The following NRF1 variants were observed in gnomAD, a reference collection of about 807,000 sequenced individuals.
NRF1 encodes nuclear respiratory factor 1.
A neutral mutation model predicts 58.5 loss-of-function variants in NRF1; 5 were observed. The ratio of observed to expected loss-of-function variants is 0.09; its 90% CI spans 0.04 to 0.18. NRF1 has a LOEUF of 0.18. Ranked by LOEUF, NRF1 falls within the 10% of genes least tolerant of loss-of-function variation. The pLI, the probability that NRF1 is intolerant of heterozygous loss-of-function variation, is 1.00. For missense variants in NRF1, 288 were observed against 657.7 expected (o/e 0.44, Z 6.15); for synonymous variants, 224 against 246.7 (o/e 0.91, Z 0.86).
At chr7:129,628,192 C>T (rs1252700594) in intron 1 of NRF1, among the ~76,000 whole-genome samples, 3 of 151,414 alleles carry the variant, frequency 2.0e-5, no homozygotes, top group South Asian at 2.1e-4. Context: ...TACAGGTGCC[C>T]GCCACCACGC....
intron 7 of NRF1, among the ~76,000 whole-genome samples, chr7:129,710,945 ATT>A (rs760879471): frequency 3.5e-5 from 5 of 141,512 alleles, no homozygotes; most frequent in Non-Finnish European, 4.7e-5. Context: ...GCCTGGCTGA[ATT>A]TTTTTTTTTT....
chr7:129,619,466 G>A lies in NRF1; in HGVS notation c.-7+7642G>A, dbSNP rs1263075525. Among the ~76,000 whole-genome samples the A allele has an allele frequency of 7.6e-3, 132 of 17,366 alleles. 2 individuals carry two copies. Among genetic ancestry groups the A allele is most frequent in the East Asian group, 0.018 (5 of 282 alleles). The allele number at this position is 17,366 out of a possible 152,430, so 11.4% of individuals were successfully genotyped here. On this transcript the variant is annotated intron_variant, in intron 1 of 10. Coordinates refer to ENST00000393232, the MANE Select transcript of NRF1 (RefSeq NM_005011.5). ...CACACACATATATATACACGTGTGT[G>A]TGTGTGTGTGTGTGTGTGTGTGTGT...
rs1554410293 is a variant in NRF1 at position 129,696,071 on chromosome 7, A to AAC, written c.606+5526_606+5527insCA. Among the ~76,000 whole-genome samples the AAC allele has an allele frequency of 1.4e-5, 2 of 139,452 alleles. 1 individual carries two copies. Among genetic ancestry groups the AAC allele is most frequent in the Admixed American group, 1.4e-4 (2 of 13,796 alleles). 91.5% of individuals were successfully genotyped at this position (139,452 alleles called of 152,430 possible). ...AACCCCGTCTCTACTAAAAAAAAAAAAAAAAAAAAAAAAAACAACCAAATT... is the reference window on the plus strand; with the variant it reads ...AACCCCGTCTCTACTAAAAAAAAAAAACAAAAAAAAAAAAAAACAACCAAATT... On this transcript the variant is annotated intron_variant, in intron 5 of 10. Coordinates refer to ENST00000393232, the MANE Select transcript of NRF1 (RefSeq NM_005011.5).
chr7:129,714,640 A>C (rs767505609), intron 8 of NRF1, among the ~76,000 whole-genome samples: 12 of 152,170 alleles, frequency 7.9e-5, no homozygotes, highest in Non-Finnish European at 1.5e-4. Flanking sequence ...GCTCTAGGAT[A>C]TCTCTGCCTC....
chr7:129,670,626 A>G (rs1802025536), intron 2 of NRF1, among the ~76,000 whole-genome samples: 1 of 152,240 alleles, frequency 6.6e-6, no homozygotes, highest in Non-Finnish European at 1.5e-5. Context: ...ATAAGGATAA[A>G]GGTAAAATGT....
chr7:129,750,979 T>C (rs1804101496), intron 10 of NRF1, among the ~76,000 whole-genome samples: 1 of 152,208 alleles, frequency 6.6e-6, no homozygotes, highest in African/African-American at 2.4e-5. Context: ...CACTCAAAGA[T>C]GGAGACTTAA....
intron 1 of NRF1, among the ~76,000 whole-genome samples, chr7:129,612,352 C>A (rs1166943233): frequency 6.6e-6 from 1 of 152,018 alleles, no homozygotes; most frequent in Non-Finnish European, 1.5e-5. Context: ...GAGCCGCTGT[C>A]TCCTGCGGGA....
At chr7:129,698,494 A>G (rs894978181) in intron 5 of NRF1, among the ~76,000 whole-genome samples, 1 of 152,184 alleles carries the variant, frequency 6.6e-6, no homozygotes. Flanking sequence ...GGAGGTTGAG[A>G]TAAAGCTTAG....
chr7:129,752,883 G>A (rs1409300687), intron 10 of NRF1, among the ~76,000 whole-genome samples: 1 of 152,160 alleles, frequency 6.6e-6, no homozygotes, highest in Non-Finnish European at 1.5e-5. Context: ...CGTGCACTTG[G>A]AGGCTGGCCT....
intron 1 of NRF1, among the ~76,000 whole-genome samples, chr7:129,649,404 A>G (rs750921169): frequency 6.6e-6 from 1 of 152,078 alleles, no homozygotes; most frequent in Non-Finnish European, 1.5e-5. Context: ...TGATAATGCT[A>G]TTGATTAGAC....
chr7:129,666,974 A>G (rs78841374), intron 2 of NRF1, among the ~76,000 whole-genome samples: 3,732 of 152,330 alleles, frequency 0.024, 54 homozygotes, highest in Middle Eastern at 0.075. Flanking sequence ...ATGAAATAAT[A>G]CTTAACCCCT....
At chr7:129,723,170 G>A (rs1199308046) in intron 9 of NRF1, among the ~76,000 whole-genome samples, 1 of 151,978 alleles carries the variant, frequency 6.6e-6, no homozygotes, top group Non-Finnish European at 1.5e-5. Flanking sequence ...CAGGCCGGGT[G>A]CGGTGGCTCA....
intron 2 of NRF1, among the ~76,000 whole-genome samples, chr7:129,666,639 C>T (rs762931576): frequency 1.3e-5 from 2 of 152,140 alleles, no homozygotes; most frequent in Non-Finnish European, 2.9e-5. Context: ...TCAAGCAATT[C>T]TCCTGCCTCA....
intron 10 of NRF1, among the ~76,000 whole-genome samples, chr7:129,751,265 G>A (rs1196158048): frequency 1.3e-5 from 2 of 152,232 alleles, no homozygotes. Flanking sequence ...GAACAACAGT[G>A]GCCGACGTGA....
chr7:129,650,597 C>T (rs1801511710), intron 1 of NRF1, among the ~76,000 whole-genome samples: 2 of 152,052 alleles, frequency 1.3e-5, no homozygotes, highest in South Asian at 2.1e-4. Context: ...AGGGTAGAAT[C>T]GGGAAGACAT....
chr7:129,709,653 T>G (rs1803025416), intron 6 of NRF1, among the ~76,000 whole-genome samples: 1 of 152,106 alleles, frequency 6.6e-6, no homozygotes, highest in Non-Finnish European at 1.5e-5. Flanking sequence ...TAACAAAACT[T>G]TTACAAGAAA....
intron 5 of NRF1, among the ~76,000 whole-genome samples, chr7:129,694,896 A>G (rs932795877): frequency 1.3e-5 from 2 of 152,190 alleles, no homozygotes; most frequent in Admixed American, 1.3e-4. Context: ...ACAGATGTAC[A>G]TTGTTTATTA....
chr7:129,685,849 C>G (rs1417476657), intron 4 of NRF1, among the ~76,000 whole-genome samples: 1 of 151,772 alleles, frequency 6.6e-6, no homozygotes, highest in African/African-American at 2.4e-5. Context: ...TGGCTCATGT[C>G]TGTAATCCCA....
Position 129,737,790 on chromosome 7 carries a change from C to T in NRF1, c.1348+10425C>T, listed in dbSNP as rs879878490. On this transcript the variant is annotated intron_variant, in intron 10 of 10. Coordinates refer to ENST00000393232, the MANE Select transcript of NRF1 (RefSeq NM_005011.5). ...ATTAAATAGTCTTAGTGTAAGAGTG[C>T]GTTTTCAGTCACCATAAGCATAATA... Among the ~76,000 whole-genome samples, 45 of 152,280 alleles carry T rather than the reference C, an allele frequency of 3.0e-4. 1 individual carries two copies. Among genetic ancestry groups the T allele is most frequent in the Admixed American group, 2.5e-3 (38 of 15,290 alleles).
Sources: allele counts gnomAD v4.1 joint callset (sites outside exome capture counted in the v4.1 genomes callset), GRCh38; gene constraint gnomAD v4.1.1; transcripts MANE v1.5; gene names NCBI Gene and HGNC (gene_info 2026-07-23, HGNC 2026-07-21).